The following RBFOX1 variants were observed in gnomAD, a reference collection of about 807,000 sequenced individuals.
RBFOX1 encodes RNA binding protein fox-1 homolog 1.
In RBFOX1, 8 loss-of-function variants were observed where a neutral mutation model predicts 57.7. The ratio of observed to expected loss-of-function variants is 0.14; its 90% CI spans 0.08 to 0.25. The LOEUF is 0.25. RBFOX1 is among the 10% of genes least tolerant of loss of function. The probability of loss-of-function intolerance (pLI) is 1.00; values close to 1 mark genes in which losing one functional copy is unlikely to be tolerated. For synonymous variants in RBFOX1, 326 were observed against 222.4 expected, an observed-to-expected ratio of 1.47 and a Z score of -4.15; for missense variants, 611 against 548.5, an observed-to-expected ratio of 1.11 and a Z score of -1.14.
intron 2 of RBFOX1, among the ~76,000 whole-genome samples, chr16:5,563,363 G>A (rs186595512): frequency 3.9e-5 from 6 of 152,324 alleles, no homozygotes; most frequent in Non-Finnish European, 7.3e-5. Flanking sequence ...AATATAAAGC[G>A]AAGGAGTCAC....
chr16:5,440,203 A>G (rs1449831700), intron 1 of RBFOX1, among the ~76,000 whole-genome samples: 3 of 152,234 alleles, frequency 2.0e-5, no homozygotes, highest in Non-Finnish European at 2.9e-5. Context: ...CCGCCATAAC[A>G]TTTGGGCCTC....
chr16:6,407,627 C>A (rs959483351), intron 2 of RBFOX1, among the ~76,000 whole-genome samples: 1 of 144,278 alleles, frequency 6.9e-6, no homozygotes, highest in Non-Finnish European at 1.5e-5. Context: ...GGGAACAGAG[C>A]CATAATCAAG....
At chr16:6,643,075 T>C (rs182972538) in intron 2 of RBFOX1, among the ~76,000 whole-genome samples, 1 of 152,086 alleles carries the variant, frequency 6.6e-6, no homozygotes, top group East Asian at 1.9e-4. Context: ...TAAACACATA[T>C]TAATGAAATG....
At chr16:7,605,204 T>A (rs4502228) in intron 9 of RBFOX1, among the ~76,000 whole-genome samples, 116,037 of 152,104 alleles carry the variant, frequency 0.76, 44,901 homozygotes, top group Admixed American at 0.85. Flanking sequence ...GTTGATCAAA[T>A]TGAAGTCATT....
At chr16:6,984,899 C>T (rs148177348) in intron 3 of RBFOX1, among the ~76,000 whole-genome samples, 3 of 152,210 alleles carry the variant, frequency 2.0e-5, no homozygotes, top group Admixed American at 1.3e-4. Context: ...CCTCAGCCTC[C>T]CAAAGTGCTA....
At chr16:5,845,727 T>C (rs1030902966) in intron 3 of RBFOX1, among the ~76,000 whole-genome samples, 3 of 152,194 alleles carry the variant, frequency 2.0e-5, no homozygotes, top group African/African-American at 4.8e-5. Context: ...GATACATTTA[T>C]AGGGTTCAGT....
intron 3 of RBFOX1, among the ~76,000 whole-genome samples, chr16:6,945,895 C>T (rs947960914): frequency 6.6e-6 from 1 of 152,098 alleles, no homozygotes; most frequent in African/African-American, 2.4e-5. Context: ...TCGTCCCCCA[C>T]AAAAAAGGAA....
intron 3 of RBFOX1, among the ~76,000 whole-genome samples, chr16:7,012,228 C>T (rs984775875): frequency 6.6e-6 from 1 of 152,148 alleles, no homozygotes; most frequent in Non-Finnish European, 1.5e-5. Flanking sequence ...TTGCTTAACT[C>T]ATAACATCAG....
intron 1 of RBFOX1, among the ~76,000 whole-genome samples, chr16:6,186,974 C>G (rs1157136725): frequency 6.6e-6 from 1 of 152,102 alleles, no homozygotes; most frequent in Non-Finnish European, 1.5e-5. Flanking sequence ...CCATTGATCT[C>G]TTTATTTGGG....
intron 3 of RBFOX1, among the ~76,000 whole-genome samples, chr16:6,806,352 T>C (rs2086758068): frequency 6.6e-6 from 1 of 152,202 alleles, no homozygotes; most frequent in Admixed American, 6.6e-5. Context: ...CTATAGAGTT[T>C]TGAAAGATGG....
chr16:5,686,023 AGGTCTCT>A (rs2050494220), intron 3 of RBFOX1, among the ~76,000 whole-genome samples: 1 of 152,196 alleles, frequency 6.6e-6, no homozygotes, highest in Non-Finnish European at 1.5e-5. Flanking sequence ...GAATACAAGT[AGGTCTCT>A]TTTTAATTTG....
Position 7,518,247 on chromosome 16 carries a change from C to A in RBFOX1, c.128C>A (p.Ala43Asp), listed in dbSNP as rs768489798. 6.2e-7 allele frequency: 1 copy of A among 1,614,138 alleles called. No individual in the cohort carries two copies. The highest frequency in any genetic ancestry group is 8.5e-7 in the Non-Finnish European group (1 of 1,180,004). ...PQNGIPAEYT[A>D]PHPHPAPEYT... Reference sequence around the variant, plus strand: ...AACGGTATCCCCGCGGAATACACGGCCCCTCATCCCCACCCCGCGCCAGAG... The same window carrying A: ...AACGGTATCCCCGCGGAATACACGGACCCTCATCCCCACCCCGCGCCAGAG... Residue 43 changes from alanine to aspartate, a missense_variant, in exon 5 of 16, where the codon GCC becomes GAC. Ala to Asp is a moderately radical substitution (Grantham distance 126, BLOSUM62 -2). Transcript: ENST00000550418.
chr16:6,013,589 G>A (rs1242632317), intron 4 of RBFOX1, among the ~76,000 whole-genome samples: 1 of 152,118 alleles, frequency 6.6e-6, no homozygotes, highest in African/African-American at 2.4e-5. Flanking sequence ...ACACAAAACT[G>A]ACTAAGTTTT....
intron 3 of RBFOX1, among the ~76,000 whole-genome samples, chr16:6,939,309 A>T (rs1243329429): frequency 6.6e-6 from 1 of 152,156 alleles, no homozygotes; most frequent in Non-Finnish European, 1.5e-5. Context: ...TTTGCTTGAA[A>T]TAACAATAAA....
chr16:7,238,142 C>G (rs1240490987), intron 4 of RBFOX1, among the ~76,000 whole-genome samples: 1 of 152,056 alleles, frequency 6.6e-6, no homozygotes, highest in Non-Finnish European at 1.5e-5. Flanking sequence ...TTGTCAAATT[C>G]ACAAAGACAA....
At chr16:7,694,556 G>T (rs2078194426) in intron 14 of RBFOX1, among the ~76,000 whole-genome samples, 1 of 152,152 alleles carries the variant, frequency 6.6e-6, no homozygotes, top group African/African-American at 2.4e-5. Flanking sequence ...TTAAAACAAT[G>T]GTATACTCTT....
intron 3 of RBFOX1, among the ~76,000 whole-genome samples, chr16:5,757,558 A>G (rs974534021): frequency 6.6e-6 from 1 of 152,152 alleles, no homozygotes; most frequent in African/African-American, 2.4e-5. Flanking sequence ...AGGCCAGCCT[A>G]GAAGAACACA....
At chr16:7,517,853 C>G (rs1201449344) in intron 4 of RBFOX1, among the ~76,000 whole-genome samples, 1 of 151,598 alleles carries the variant, frequency 6.6e-6, no homozygotes, top group Non-Finnish European at 1.5e-5. Context: ...TCTAGTAAAG[C>G]CACAGACCCT....
chr16:6,326,820 C>T (rs1435524571), intron 2 of RBFOX1, among the ~76,000 whole-genome samples: 2 of 152,164 alleles, frequency 1.3e-5, no homozygotes, highest in South Asian at 2.1e-4. Flanking sequence ...ACTGCCTTCA[C>T]AACCCCAGAG....
Sources: gnomAD v4.1 joint callset for allele counts (sites outside exome capture counted in the v4.1 genomes callset) on GRCh38, gnomAD v4.1.1 for gene constraint, MANE v1.5 for transcripts, NCBI Gene and HGNC (gene_info 2026-07-23, HGNC 2026-07-21) for gene names.